SLC9A9: variants seen among roughly 807,000 people sequenced by gnomAD.
SLC9A9 encodes solute carrier family 9 member A9.
In SLC9A9, 62 loss-of-function variants were observed where a neutral mutation model predicts 77.8. The observed-to-expected ratio is 0.80, with a 90% CI of 0.65 to 0.98. The LOEUF is 0.98. SLC9A9 is among the 50% of genes least tolerant of loss of function. SLC9A9 has a pLI of 0.00. For missense variants in SLC9A9, 775 were observed against 774.9 expected (o/e 1.00, Z 0.00); for synonymous variants, 320 against 283.5 (o/e 1.13, Z -1.29).
At chr3:143,553,595 T>C (rs1022478745) in intron 8 of SLC9A9, among the ~76,000 whole-genome samples, 4 of 152,228 alleles carry the variant, frequency 2.6e-5, no homozygotes, top group African/African-American at 7.2e-5. Flanking sequence ...TAAAAAAATA[T>C]GTAGACTATA....
intron 14 of SLC9A9, among the ~76,000 whole-genome samples, chr3:143,269,514 T>A (rs962092532): frequency 3.9e-5 from 6 of 152,344 alleles, no homozygotes; most frequent in Middle Eastern, 3.4e-3. Flanking sequence ...TACAAAATTA[T>A]GTAAATAAGT....
chr3:143,841,592 T>C (rs188313771), intron 1 of SLC9A9, among the ~76,000 whole-genome samples: 3 of 152,320 alleles, frequency 2.0e-5, no homozygotes, highest in African/African-American at 7.2e-5. Flanking sequence ...GAATCATAAA[T>C]CTATTTTCTT....
At chr3:143,412,695 G>C (rs528696349) in intron 12 of SLC9A9, among the ~76,000 whole-genome samples, 1 of 152,190 alleles carries the variant, frequency 6.6e-6, no homozygotes, top group African/African-American at 2.4e-5. Context: ...CCTCTTTAGC[G>C]CCATCAGAGT....
chr3:143,526,354 A>T (rs2036405835), intron 9 of SLC9A9, among the ~76,000 whole-genome samples: 1 of 152,206 alleles, frequency 6.6e-6, no homozygotes, highest in East Asian at 1.9e-4. Context: ...ATGGCTGCCC[A>T]GGAATGCTTA....
intron 9 of SLC9A9, among the ~76,000 whole-genome samples, chr3:143,527,405 G>A (rs2108618298): frequency 6.6e-6 from 1 of 152,298 alleles, no homozygotes; most frequent in Non-Finnish European, 1.5e-5. Context: ...GTTCAGGAGA[G>A]TAAAAATTAG....
chr3:143,680,777 C>G (rs1933062618), intron 5 of SLC9A9, among the ~76,000 whole-genome samples: 1 of 152,096 alleles, frequency 6.6e-6, no homozygotes, highest in South Asian at 2.1e-4. Flanking sequence ...CATTTTCTTA[C>G]CGAATTTGCT....
intron 2 of SLC9A9, among the ~76,000 whole-genome samples, chr3:143,797,429 T>A (rs1336494343): frequency 6.6e-6 from 1 of 152,192 alleles, no homozygotes; most frequent in East Asian, 1.9e-4. Context: ...TGACTTGGTA[T>A]GAAGTGCAGT....
intron 4 of SLC9A9, among the ~76,000 whole-genome samples, chr3:143,793,267 A>G (rs2008274433): frequency 6.6e-6 from 1 of 152,194 alleles, no homozygotes; most frequent in African/African-American, 2.4e-5. Context: ...ACACACACAC[A>G]GTATATATTG....
intron 9 of SLC9A9, among the ~76,000 whole-genome samples, chr3:143,522,211 C>T (rs1175084189): frequency 6.6e-6 from 1 of 152,144 alleles, no homozygotes; most frequent in African/African-American, 2.4e-5. Flanking sequence ...CACACCAGTA[C>T]TTTCTGAGAT....
At chr3:143,329,800 G>A (rs764526732) in intron 14 of SLC9A9, among the ~76,000 whole-genome samples, 4 of 152,100 alleles carry the variant, frequency 2.6e-5, no homozygotes, top group African/African-American at 7.2e-5. Context: ...CCCAGGCCAC[G>A]TGAGCCTCGT....
At chr3:143,390,450 T>C (rs1231109107) in intron 12 of SLC9A9, among the ~76,000 whole-genome samples, 1 of 152,136 alleles carries the variant, frequency 6.6e-6, no homozygotes, top group East Asian at 1.9e-4. Context: ...TGTTGTGGGA[T>C]AATACATGTA....
intron 14 of SLC9A9, among the ~76,000 whole-genome samples, chr3:143,323,563 T>C (rs1330530321): frequency 6.6e-6 from 1 of 151,852 alleles, no homozygotes; most frequent in Non-Finnish European, 1.5e-5. Context: ...TAACAGATAC[T>C]GGGAAGGGTG....
chr3:143,751,379 G>A (rs1457118994), intron 4 of SLC9A9, among the ~76,000 whole-genome samples: 2 of 152,188 alleles, frequency 1.3e-5, no homozygotes, highest in Non-Finnish European at 2.9e-5. Flanking sequence ...GGCAAAGAGG[G>A]CCCTTAGCTC....
intron 9 of SLC9A9, among the ~76,000 whole-genome samples, chr3:143,542,333 T>C (rs923583548): frequency 3.3e-5 from 5 of 152,188 alleles, no homozygotes; most frequent in Admixed American, 2.0e-4. Context: ...GGTAGAACTC[T>C]TTACAAAAGA....
intron 12 of SLC9A9, among the ~76,000 whole-genome samples, chr3:143,396,027 G>A (rs1350574353): frequency 6.6e-6 from 1 of 152,190 alleles, no homozygotes; most frequent in East Asian, 1.9e-4. Context: ...CAACCGTTGT[G>A]GAAGTCAGTG....
chr3:143,444,444 A>G (rs1233766330), intron 12 of SLC9A9, among the ~76,000 whole-genome samples: 1 of 152,214 alleles, frequency 6.6e-6, no homozygotes, highest in East Asian at 1.9e-4. Context: ...GCCACTTGGA[A>G]CAAATGTGGT....
At chr3:143,299,017 A>G (rs1003461147) in intron 14 of SLC9A9, among the ~76,000 whole-genome samples, 3 of 152,164 alleles carry the variant, frequency 2.0e-5, no homozygotes, top group African/African-American at 4.8e-5. Context: ...TGAACAAGGT[A>G]TGTACGCCTG....
At position 143,467,193 on chromosome 3, in the gene SLC9A9, T is replaced by C; in HGVS notation, c.1316-3A>G. The C allele has an allele frequency of 1.2e-6, 2 of 1,614,156 alleles. No individual in the cohort carries two copies. Among genetic ancestry groups the C allele is most frequent in the Non-Finnish European group, 1.7e-6 (2 of 1,180,004 alleles). The stretch of plus-strand genomic sequence containing the variant: ...AAATGCGATCGCTCCTCGCAAACCT[T>C]GCAGGAAAAACCAAAGGAGAAAATA... On this transcript the variant is annotated splice_region_variant and splice_polypyrimidine_tract_variant and intron_variant, in intron 11 of 15. Coordinates refer to ENST00000316549, the MANE Select transcript of SLC9A9 (RefSeq NM_173653.4).
chr3:143,588,645 G>C (rs1357564851), intron 6 of SLC9A9, among the ~76,000 whole-genome samples: 1 of 152,202 alleles, frequency 6.6e-6, no homozygotes, highest in Non-Finnish European at 1.5e-5. Flanking sequence ...CTTGAAACAT[G>C]TTGTCAGAAT....
Sources: gnomAD v4.1 joint callset for allele counts (sites outside exome capture counted in the v4.1 genomes callset) on GRCh38, gnomAD v4.1.1 for gene constraint, MANE v1.5 for transcripts, NCBI Gene and HGNC (gene_info 2026-07-23, HGNC 2026-07-21) for gene names.